The following RASAL2 variants were observed in gnomAD, a reference collection of about 807,000 sequenced individuals.
RASAL2 encodes the protein ras GTPase-activating protein nGAP.
RASAL2 carries 58 observed loss-of-function variants against 128.9 expected under a neutral mutation model. The ratio of observed to expected loss-of-function variants is 0.45; its 90% CI spans 0.36 to 0.56. The LOEUF is 0.56. Ranked by LOEUF, RASAL2 falls within the 20% of genes least tolerant of loss-of-function variation. The probability of loss-of-function intolerance (pLI) is 0.00; values close to 1 mark genes in which losing one functional copy is unlikely to be tolerated. For synonymous variants in RASAL2, 561 were observed against 580.8 expected, an observed-to-expected ratio of 0.97 and a Z score of 0.49; for missense variants, 1,360 against 1,601.6, an observed-to-expected ratio of 0.85 and a Z score of 2.57.
chr1:178,457,399 A>G (rs1186908435), intron 13 of RASAL2, among the ~76,000 whole-genome samples: 1 of 152,258 alleles, frequency 6.6e-6, no homozygotes, highest in Non-Finnish European at 1.5e-5. Flanking sequence ...TATTTGGGGA[A>G]GGTTTAAAAC....
At chr1:178,173,035 C>G (rs1045035456) in intron 1 of RASAL2, among the ~76,000 whole-genome samples, 5 of 152,050 alleles carry the variant, frequency 3.3e-5, no homozygotes, top group Admixed American at 1.3e-4. Flanking sequence ...GGATTTTCAC[C>G]TATGTGCATG....
intron 4 of RASAL2, among the ~76,000 whole-genome samples, chr1:178,392,488 G>C (rs1490682455): frequency 6.6e-6 from 1 of 152,142 alleles, no homozygotes; most frequent in Non-Finnish European, 1.5e-5. Flanking sequence ...GATTGAGTTT[G>C]TTCATCAAAC....
At chr1:178,465,802 TA>T in intron 15 of RASAL2, 117 bp from the exon 16 acceptor site, 55 of 985,012 alleles carry the variant, frequency 5.6e-5, no homozygotes, top group Middle Eastern at 2.7e-4. Context: ...TTTCTTTTGT[TA>T]AAAAAAAGAA....
chr1:178,144,210 TAC>T (rs937898592), intron 1 of RASAL2, among the ~76,000 whole-genome samples: 1 of 152,188 alleles, frequency 6.6e-6, no homozygotes, highest in African/African-American at 2.4e-5. Context: ...ATAGATTCCG[TAC>T]AGAGAGAAAG....
chr1:178,367,925 A>G (rs1347102747), intron 3 of RASAL2, among the ~76,000 whole-genome samples: 1 of 152,204 alleles, frequency 6.6e-6, no homozygotes, highest in Non-Finnish European at 1.5e-5. Flanking sequence ...CAGTGTTGAC[A>G]TAAATCAGGG....
chr1:178,451,631 G>A lies in RASAL2; in HGVS notation c.1688G>A (p.Cys563Tyr). The A allele has an allele frequency of 6.2e-7, 1 of 1,613,876 alleles. No individual in the cohort carries two copies. ...DENCEVDPSK[C>Y]SSSELIDHQS... The stretch of plus-strand genomic sequence containing the variant: ...AACTGTGAAGTGGATCCCAGCAAAT[G>A]TTCATCTAGTGAACTGATAGACCAT... The change falls in exon 10 of 18, where the codon TGT (cysteine) becomes TAT (tyrosine). Residue 563 changes from cysteine to tyrosine, a missense_variant. Transcript: ENST00000367649.
At chr1:178,122,108 CAAAG>C (rs1461506836) in intron 1 of RASAL2, among the ~76,000 whole-genome samples, 2 of 152,032 alleles carry the variant, frequency 1.3e-5, no homozygotes, top group Non-Finnish European at 2.9e-5. Flanking sequence ...TGAGTCTTTT[CAAAG>C]GAGCGTGGAA....
At chr1:178,443,267 T>C (rs2102850380) in intron 8 of RASAL2, 38 bp downstream of exon 8, 1 of 1,492,810 alleles carries the variant, frequency 6.7e-7, no homozygotes, top group Non-Finnish European at 9.1e-7. Flanking sequence ...CTGAAGTCTC[T>C]TCCCTACCTT....
At chr1:178,296,784 T>G (rs1272422885) in intron 2 of RASAL2, among the ~76,000 whole-genome samples, 1 of 151,562 alleles carries the variant, frequency 6.6e-6, no homozygotes, top group Non-Finnish European at 1.5e-5. Flanking sequence ...GCAGTTCTCC[T>G]GCCTCAGCCT....
At chr1:178,343,338 C>T (rs1225196001) in intron 3 of RASAL2, among the ~76,000 whole-genome samples, 1 of 152,196 alleles carries the variant, frequency 6.6e-6, no homozygotes, top group Non-Finnish European at 1.5e-5. Flanking sequence ...GACTGTCTGT[C>T]TTACTGGAGA....
At chr1:178,301,273 T>C (rs1040003833) in intron 3 of RASAL2, among the ~76,000 whole-genome samples, 7 of 152,232 alleles carry the variant, frequency 4.6e-5, no homozygotes, top group Non-Finnish European at 8.8e-5. Context: ...GAAACCAGTT[T>C]AGGTGTGGGC....
chr1:178,398,865 AT>A (rs755941996), intron 4 of RASAL2, among the ~76,000 whole-genome samples: 3 of 152,020 alleles, frequency 2.0e-5, no homozygotes, highest in Non-Finnish European at 2.9e-5. Flanking sequence ...CCCCACTGCC[AT>A]TTACTGACTT....
At chr1:178,183,732 G>GT (rs1662196263) in intron 1 of RASAL2, among the ~76,000 whole-genome samples, 1 of 152,098 alleles carries the variant, frequency 6.6e-6, no homozygotes, top group Non-Finnish European at 1.5e-5. Flanking sequence ...GTTGCTTCTA[G>GT]TTTTTGGTGA....
At chr1:178,347,530 A>T (rs1279861435) in intron 3 of RASAL2, among the ~76,000 whole-genome samples, 1 of 152,220 alleles carries the variant, frequency 6.6e-6, no homozygotes, top group Non-Finnish European at 1.5e-5. Context: ...CAAAAGAGGT[A>T]ATCCAGATGA....
rs566639126 is a variant in RASAL2, at chr1:178,442,358, G to A, written c.928-317G>A. The stretch of plus-strand genomic sequence containing the variant: ...GGACTAGAATACGAGCTTCTTAACA[G>A]CTTATCTCTTTTATTTGCAGATATT... On this transcript the variant is annotated intron_variant, in intron 7 of 17. Transcript: ENST00000367649. Among the ~76,000 whole-genome samples the A allele has an allele frequency of 1.8e-4, 27 of 152,148 alleles. No individual in the cohort carries two copies. The South Asian group carries it at 4.8e-3, about 27-fold the overall frequency.
chr1:178,352,117 A>G (rs1369822735), intron 3 of RASAL2, among the ~76,000 whole-genome samples: 2 of 152,228 alleles, frequency 1.3e-5, no homozygotes, highest in Non-Finnish European at 2.9e-5. Context: ...AACATCACAC[A>G]TAGGAATGCT....
rs558069982 is a variant in RASAL2, at chr1:178,148,952, G to A, written c.202+54258G>A. Reference sequence around the variant, plus strand: ...TCTTTCTCCGATCTGGAAAACAAACGACTATGACAGCTGGATTCCTATTCT... The same window carrying A: ...TCTTTCTCCGATCTGGAAAACAAACAACTATGACAGCTGGATTCCTATTCT... On this transcript the variant is annotated intron_variant, in intron 1 of 17. Coordinates refer to ENST00000367649, the MANE Select transcript of RASAL2 (RefSeq NM_170692.4). Among the ~76,000 whole-genome samples the A allele has an allele frequency of 1.5e-3, 235 of 152,140 alleles. 1 individual carries two copies. The highest frequency in any genetic ancestry group is 5.4e-3 in the African/African-American group (225 of 41,504).
At chr1:178,263,349 A>G (rs985521782) in intron 1 of RASAL2, among the ~76,000 whole-genome samples, 1 of 152,218 alleles carries the variant, frequency 6.6e-6, no homozygotes, top group African/African-American at 2.4e-5. Flanking sequence ...TCTTCACCAC[A>G]TTCCTACATA....
intron 3 of RASAL2, among the ~76,000 whole-genome samples, chr1:178,356,356 A>G (rs1033070937): frequency 2.6e-5 from 4 of 152,144 alleles, no homozygotes; most frequent in African/African-American, 9.7e-5. Flanking sequence ...TAAAATTGAA[A>G]GTAATGCTAA....
Sources: gnomAD v4.1 joint callset for allele counts (sites outside exome capture counted in the v4.1 genomes callset) on GRCh38, gnomAD v4.1.1 for gene constraint, MANE v1.5 for transcripts, NCBI Gene and HGNC (gene_info 2026-07-23, HGNC 2026-07-21) for gene names.